Variants in SLC4A3 observed in about 807,000 individuals in gnomAD.
SLC4A3 encodes anion exchange protein 3.
In SLC4A3, 47 loss-of-function variants were observed where a neutral mutation model predicts 114.2. The observed-to-expected ratio is 0.41, with a 90% CI of 0.33 to 0.52. SLC4A3 has a LOEUF of 0.52. Among genes scored for constraint, SLC4A3 ranks in the 20% least tolerant of loss-of-function variants. SLC4A3 has a pLI of 0.21. For missense variants in SLC4A3, 1,312 were observed against 1,668.3 expected (o/e 0.79, Z 3.72); for synonymous variants, 693 against 710.3 (o/e 0.98, Z 0.39).
chr2:219,628,331 A>C lies in SLC4A3; in HGVS notation c.52-74A>C. ...GAGAGCCTGCTGAGCTCCCCCAACT[A>C]GGGCTTGGAGTTGGGGTGGGTGTGG... is the stretch of plus-strand genomic sequence containing the variant. On this transcript the variant is annotated intron_variant, in intron 2 of 22. Transcript: ENST00000358055. This position sits in a 1 kb window ranked among gnomAD's most constrained non-coding sequence, Gnocchi z 4.8. The C allele has an allele frequency of 7.0e-7, 1 of 1,423,372 alleles. No homozygotes were observed. Among genetic ancestry groups the C allele is most frequent in the Non-Finnish European group, 9.4e-7 (1 of 1,061,934 alleles). 88.2% of individuals were successfully genotyped at this position (1,423,372 alleles called of 1,614,324 possible). A position where few individuals can be genotyped will look rare whatever the true frequency, so the allele number is the denominator to read the frequency against.
At position 219,641,644 on chromosome 2, in the gene SLC4A3, TC is replaced by T. The variant is rs772206560; in HGVS notation, c.3622-6del. 6.8e-6 allele frequency: 11 copies of T among 1,613,124 alleles called. No individual in the cohort carries two copies. The highest frequency in any genetic ancestry group is 7.6e-6 in the Non-Finnish European group (9 of 1,179,188). ...CTGCCTTCCCCAACCTTCTGTTCCC[TC>T]TGCAGCTGGACTCGGAAGATGCTGA... On this transcript the variant is annotated splice_region_variant and splice_polypyrimidine_tract_variant and intron_variant, in intron 22 of 22. Coordinates refer to ENST00000358055, the MANE Select transcript of SLC4A3 (RefSeq NM_005070.4). This position sits in a 1 kb window ranked among gnomAD's most constrained non-coding sequence, Gnocchi z 4.0.
chr2:219,627,810 C>T, intron 1 of SLC4A3, 65 bp downstream of exon 1: 1 of 494,138 alleles, frequency 2.0e-6, no homozygotes, highest in Non-Finnish European at 3.6e-6. Flanking sequence ...GTGGCTGGGC[C>T]TCGGAGGGGC....
Position 219,631,611 on chromosome 2 carries a change from G to T in SLC4A3, c.812-357G>T, listed in dbSNP as rs1217138718. ...ATAGGGTGCACGGAAAATGTTGGGGGCTCAGTGCCTGGGGACTCTGACTCA... is the reference window on the plus strand; with the variant it reads ...ATAGGGTGCACGGAAAATGTTGGGGTCTCAGTGCCTGGGGACTCTGACTCA... On this transcript the variant is annotated intron_variant, in intron 6 of 22. Transcript: ENST00000358055. This position sits in a 1 kb window ranked among gnomAD's most constrained non-coding sequence, Gnocchi z 6.3. Among the ~76,000 whole-genome samples the T allele has an allele frequency of 6.6e-6, 1 of 152,116 alleles. No individual in the cohort carries two copies. Among genetic ancestry groups the T allele is most frequent in the Non-Finnish European group, 1.5e-5 (1 of 68,012 alleles).
chr2:219,638,832 G>C lies in SLC4A3; in HGVS notation c.2986G>C (p.Val996Leu), dbSNP rs553370981. The C allele has an allele frequency of 6.2e-6, 10 of 1,614,032 alleles. No homozygotes were observed. In the South Asian group the frequency reaches 7.7e-5, roughly 12 times the overall value. ...MVAAAVPALL[V>L]LILIFMETQI... is the part of the protein sequence containing the mutation. Reference sequence around the variant, plus strand: ...GGCAGCCGCTGTTCCCGCCCTCCTCGTCCTCATCCTGATCTTCATGGAGAC... The same window carrying C: ...GGCAGCCGCTGTTCCCGCCCTCCTCCTCCTCATCCTGATCTTCATGGAGAC... Residue 996 changes from valine to leucine, a missense_variant, in exon 19 of 23, where the codon GTC becomes CTC. By Grantham distance (32) the Val-to-Leu change is conservative (BLOSUM62 1). Around this residue, in one of 4 missense-constraint regions of SLC4A3, gnomAD observed 301 missense variants for 460.7 expected, o/e 0.65. Coordinates refer to ENST00000358055, the MANE Select transcript of SLC4A3 (RefSeq NM_005070.4). The surrounding 1 kb of genome is among the most constrained non-coding windows in gnomAD (Gnocchi z 7.5).
chr2:219,637,902 C>T lies in SLC4A3; in HGVS notation c.2766+91C>T. The stretch of plus-strand genomic sequence containing the variant: ...GAGGCTGCACCCCTTCCCCGGTCAG[C>T]CCATGGACCAAAACCCAGCTCGGGC... On this transcript the variant is annotated intron_variant, in intron 17 of 22. Coordinates refer to ENST00000358055, the MANE Select transcript of SLC4A3 (RefSeq NM_005070.4). This position sits in a 1 kb window ranked among gnomAD's most constrained non-coding sequence, Gnocchi z 4.6. The T allele has an allele frequency of 1.8e-6, 2 of 1,086,648 alleles. No homozygotes were observed. The highest frequency in any genetic ancestry group is 2.8e-6 in the Non-Finnish European group (2 of 720,734). The allele number at this position is 1,086,648 out of a possible 1,614,324, so 67.3% of individuals were successfully genotyped here. A position where few individuals can be genotyped will look rare whatever the true frequency, so the allele number is the denominator to read the frequency against.
rs774622909 is a variant in SLC4A3 at position 219,633,017 on chromosome 2, G to A, written c.1277+8G>A. 6.2e-7 allele frequency: 1 copy of A among 1,613,792 alleles called. No individual in the cohort carries two copies. The highest frequency in any genetic ancestry group is 1.3e-5 in the African/African-American group (1 of 75,010). On this transcript the variant is annotated splice_region_variant and intron_variant, in intron 9 of 22. Coordinates refer to ENST00000358055, the MANE Select transcript of SLC4A3 (RefSeq NM_005070.4). ...CCTGCTACTGAAGCACAGGTGCCGG[G>A]GTGGGTCCCTGGGAGGGGCCTGTCC... is the stretch of plus-strand genomic sequence containing the variant.
At chr2:219,629,993 C>T (rs1304503334) in intron 5 of SLC4A3, 160 bp from the exon 6 acceptor site, 12 of 1,408,682 alleles carry the variant, frequency 8.5e-6, no homozygotes, top group Admixed American at 2.5e-5. Flanking sequence ...GGGGGAGCCA[C>T]GGGATGGGGA....
In SLC4A3 at chr2:219,628,511, A is replaced by G; in HGVS notation, c.158A>G (p.Lys53Arg). Residue 53 changes from lysine (K) to arginine (R), a missense_variant, in exon 3 of 23, where the codon AAG becomes AGG. Physicochemically the swap from Lys to Arg is conservative, Grantham distance 26 (BLOSUM62 2). Around this residue, in one of 4 missense-constraint regions of SLC4A3, gnomAD observed 236 missense variants for 212.1 expected, o/e 1.11. Transcript: ENST00000358055. This position sits in a 1 kb window ranked among gnomAD's most constrained non-coding sequence, Gnocchi z 4.8. ...AVSRFGDLIS[K>R]PPAWDPEKPS... The stretch of plus-strand genomic sequence containing the variant: ...AGCAGGTTTGGGGACCTCATCAGCA[A>G]GCCCCCGGCCTGGGACCCCGAGAAG... 1 of 1,613,680 alleles carries G rather than the reference A, an allele frequency of 6.2e-7. No homozygotes were observed. The highest frequency in any genetic ancestry group is 8.5e-7 in the Non-Finnish European group (1 of 1,179,864).
Position 219,632,351 on chromosome 2 carries a change from C to T in SLC4A3, c.1050C>T (p.Asp350=), listed in dbSNP as rs561638332. Residue 350 remains aspartate (D), a synonymous_variant, in exon 8 of 23, where the codon GAC becomes GAT. Coordinates refer to ENST00000358055, the MANE Select transcript of SLC4A3 (RefSeq NM_005070.4). ...CCCGCTGGATCAAGTTTGAGGAGGACGTGGAGGAGGAGACGGAGCGCTGGG... is the reference window on the plus strand; with the variant it reads ...CCCGCTGGATCAAGTTTGAGGAGGATGTGGAGGAGGAGACGGAGCGCTGGG... ...ETARWIKFEE[D]VEEETERWGK... The T allele has an allele frequency of 1.9e-5, 31 of 1,613,938 alleles. No individual in the cohort carries two copies. Among genetic ancestry groups the T allele is most frequent in the African/African-American group, 2.7e-5 (2 of 74,934 alleles).
chr2:219,632,208 G>A (rs1019750340), intron 7 of SLC4A3, 54 bp from the exon 8 acceptor site: 56 of 1,611,118 alleles, frequency 3.5e-5, no homozygotes, highest in East Asian at 6.7e-5. Flanking sequence ...GCCCCATCAC[G>A]GTGTTCCCCA....
Position 219,633,466 on chromosome 2 carries a change from C to T in SLC4A3, c.1461+9C>T. On this transcript the variant is annotated intron_variant, in intron 10 of 22. Transcript: ENST00000358055. Reference sequence around the variant, plus strand: ...ACCCTGACGCCAAGGAGGTCAGTGCCCTTGCTTTGGCTTGGGCCAGGGGAC... The same window carrying T: ...ACCCTGACGCCAAGGAGGTCAGTGCTCTTGCTTTGGCTTGGGCCAGGGGAC... 1 of 1,519,248 alleles carries T rather than the reference C, an allele frequency of 6.6e-7. No homozygotes were observed. 94.1% of individuals were successfully genotyped at this position (1,519,248 alleles called of 1,614,324 possible).
chr2:219,637,824 T>C lies in SLC4A3; in HGVS notation c.2766+13T>C. The C allele has an allele frequency of 6.3e-7, 1 of 1,587,964 alleles. No individual in the cohort carries two copies. The highest frequency in any genetic ancestry group is 8.6e-7 in the Non-Finnish European group (1 of 1,156,320). Reference sequence around the variant, plus strand: ...CCTGGGGGGCAAGGTGCGTGGCTGCTGGGTGTGGAGCCCCCAAGAGTCCCA... The same window carrying C: ...CCTGGGGGGCAAGGTGCGTGGCTGCCGGGTGTGGAGCCCCCAAGAGTCCCA... On this transcript the variant is annotated intron_variant, in intron 17 of 22. Coordinates refer to ENST00000358055, the MANE Select transcript of SLC4A3 (RefSeq NM_005070.4). The surrounding 1 kb of genome is among the most constrained non-coding windows in gnomAD (Gnocchi z 4.6).
Position 219,628,341 on chromosome 2 carries a change from G to A in SLC4A3, c.52-64G>A, listed in dbSNP as rs569207255. ...TGAGCTCCCCCAACTAGGGCTTGGA[G>A]TTGGGGTGGGTGTGGGGCCTTCATG... On this transcript the variant is annotated intron_variant, in intron 2 of 22. Transcript: ENST00000358055. The surrounding 1 kb of genome is among the most constrained non-coding windows in gnomAD (Gnocchi z 4.8). The A allele has an allele frequency of 2.7e-4, 398 of 1,483,792 alleles. No individual in the cohort carries two copies. Among genetic ancestry groups the A allele is most frequent in the Non-Finnish European group, 3.3e-4 (370 of 1,109,178 alleles). 91.9% of individuals were successfully genotyped at this position (1,483,792 alleles called of 1,614,324 possible). A position where few individuals can be genotyped will look rare whatever the true frequency, so the allele number is the denominator to read the frequency against.
rs573759321 is a variant in SLC4A3, at chr2:219,635,379, C to T, written c.1855C>T (p.Arg619Cys). Reference sequence around the variant, plus strand: ...GATCCCCCCGTCCGAGGTGGAGGGCCGTGACCTGCTGCGCTCCGTGGCTGC... The same window carrying T: ...GATCCCCCCGTCCGAGGTGGAGGGCTGTGACCTGCTGCGCTCCGTGGCTGC... ...IVIPPSEVEG[R>C]DLLRSVAAFQ... The change falls in exon 13 of 23, where the codon CGT becomes TGT. Residue 619 changes from arginine to cysteine, a missense_variant. By Grantham distance (180) the Arg-to-Cys change is radical. Coordinates refer to ENST00000358055, the MANE Select transcript of SLC4A3 (RefSeq NM_005070.4). 15 of 1,614,162 alleles carry T rather than the reference C, an allele frequency of 9.3e-6. No homozygotes were observed. The highest frequency in any genetic ancestry group is 1.6e-4 in the Middle Eastern group (1 of 6,062).
Position 219,638,681 on chromosome 2 carries a change from AC to A in SLC4A3, c.2857-19del, listed in dbSNP as rs764501011. 5.3e-5 allele frequency: 86 copies of A among 1,611,768 alleles called. No homozygotes were observed. In the African/African-American group the frequency reaches 7.9e-4, roughly 15 times the overall value. On this transcript the variant is annotated intron_variant, in intron 18 of 22. Coordinates refer to ENST00000358055, the MANE Select transcript of SLC4A3 (RefSeq NM_005070.4). The surrounding 1 kb of genome is among the most constrained non-coding windows in gnomAD (Gnocchi z 7.5). ...TAGCATGGGGAGGCTGTGTCCCTGA[AC>A]CCTGTTTTCCTGCCATGCAGAAGCT...
At position 219,628,311 on chromosome 2, in the gene SLC4A3, C is replaced by A; in HGVS notation, c.52-94C>A. ...GGGAGGGGGCCCGATGGTGTGAGAG[C>A]CTGCTGAGCTCCCCCAACTAGGGCT... On this transcript the variant is annotated intron_variant, in intron 2 of 22. Coordinates refer to ENST00000358055, the MANE Select transcript of SLC4A3 (RefSeq NM_005070.4). The surrounding 1 kb of genome is among the most constrained non-coding windows in gnomAD (Gnocchi z 4.8). The A allele has an allele frequency of 3.8e-6, 5 of 1,326,968 alleles. No individual in the cohort carries two copies. The Admixed American group carries it at 8.4e-5, about 22-fold the overall frequency. 82.2% of individuals were successfully genotyped at this position (1,326,968 alleles called of 1,614,324 possible).
rs1208395128 is a variant in SLC4A3, at chr2:219,630,220, G to T, written c.679G>T (p.Ala227Ser). The T allele has an allele frequency of 1.2e-6, 2 of 1,611,486 alleles. No individual in the cohort carries two copies. Among genetic ancestry groups the T allele is most frequent in the Non-Finnish European group, 1.7e-6 (2 of 1,178,396 alleles). ...GAAAAGCCGGCCCTGGAGCCCATCG[G>T]CCAGTTATGACCTGCGGGAGCGACT... ...GEKSRPWSPS[A>S]SYDLRERLCP... Residue 227 changes from alanine (A) to serine (S), a missense_variant, in exon 6 of 23, where the codon GCC becomes TCC. Coordinates refer to ENST00000358055, the MANE Select transcript of SLC4A3 (RefSeq NM_005070.4). The surrounding 1 kb of genome is among the most constrained non-coding windows in gnomAD (Gnocchi z 6.9).
In SLC4A3 at chr2:219,629,367, A is replaced by C; in HGVS notation, c.441A>C (p.Glu147Asp). The change falls in exon 4 of 23, where the codon GAA (glutamate) becomes GAC (aspartate). Residue 147 changes from glutamate (E) to aspartate (D), a missense_variant. By Grantham distance (45) the Glu-to-Asp change is conservative (BLOSUM62 2). This residue lies in a region of SLC4A3 where 236 missense variants were observed against 212.1 expected (regional missense o/e 1.11). Transcript: ENST00000358055. ...EEEEEEEEEG[E>D]SEAEPVEPPH... ...AGGAAGAGGAGGAAGAGGAAGGAGA[A>C]TCTGAGGCAGAACCTGTGGAGCCCC... 1 of 1,602,262 alleles carries C rather than the reference A, an allele frequency of 6.2e-7. No individual in the cohort carries two copies. Among genetic ancestry groups the C allele is most frequent in the East Asian group, 2.2e-5 (1 of 44,766 alleles).
In SLC4A3 at chr2:219,631,173, C is replaced by T; in HGVS notation, c.812-795C>T. 2.5e-6 allele frequency: 3 copies of T among 1,190,204 alleles called. 1 individual carries two copies. In the South Asian group the frequency reaches 4.8e-5, roughly 19 times the overall value. 73.7% of individuals were successfully genotyped at this position (1,190,204 alleles called of 1,614,324 possible). A position where few individuals can be genotyped will look rare whatever the true frequency, so the allele number is the denominator to read the frequency against. ...GGACAGAAGCCACCCCGTCCAGGCT[C>T]CCACCTTGTAGGAGAGCCGAGGGGT... On this transcript the variant is annotated intron_variant, in intron 6 of 22. Coordinates refer to ENST00000358055, the MANE Select transcript of SLC4A3 (RefSeq NM_005070.4). The surrounding 1 kb of genome is among the most constrained non-coding windows in gnomAD (Gnocchi z 6.3).
Sources: allele counts gnomAD v4.1 joint callset (sites outside exome capture counted in the v4.1 genomes callset), GRCh38; gene constraint gnomAD v4.1.1; regional missense constraint gnomAD v4.1.1; non-coding constraint Gnocchi (gnomAD v3.1); transcripts MANE v1.5; gene names NCBI Gene and HGNC (gene_info 2026-07-23, HGNC 2026-07-21).